The following PLPP1 variants were observed in gnomAD, a reference collection of about 807,000 sequenced individuals.
PLPP1 encodes phospholipid phosphatase 1, also known as lipid phosphate phosphohydrolase 1a.
In PLPP1, 24 loss-of-function variants were observed where a neutral mutation model predicts 31.2. The observed-to-expected ratio is 0.77, with a 90% CI of 0.56 to 1.08. PLPP1 has a LOEUF of 1.08. Ranked by LOEUF, PLPP1 falls within the 50% of genes least tolerant of loss-of-function variation. The pLI, the probability that PLPP1 is intolerant of heterozygous loss-of-function variation, is 0.00. For missense variants in PLPP1, 319 were observed against 342.7 expected (o/e 0.93, Z 0.55); for synonymous variants, 146 against 126.3 (o/e 1.16, Z -1.05).
chr5:55,464,417 G>A (rs1230092379), intron 3 of PLPP1, among the ~76,000 whole-genome samples: 1 of 152,002 alleles, frequency 6.6e-6, no homozygotes, highest in Non-Finnish European at 1.5e-5. Flanking sequence ...GTTATTTTTA[G>A]TAGAGATGGG....
At chr5:55,487,855 G>A (rs1334022365) in intron 1 of PLPP1, among the ~76,000 whole-genome samples, 8 of 152,268 alleles carry the variant, frequency 5.3e-5, no homozygotes, top group African/African-American at 9.6e-5. Context: ...TAGGTCGGGC[G>A]TGGTGGCTCA....
At chr5:55,494,784 T>G (rs1432371696) in intron 1 of PLPP1, among the ~76,000 whole-genome samples, 1 of 151,976 alleles carries the variant, frequency 6.6e-6, no homozygotes, top group African/African-American at 2.4e-5. Context: ...AAAGGCTACC[T>G]TTACCATTTT....
chr5:55,436,683 A>G (rs1157886169), intron 4 of PLPP1, among the ~76,000 whole-genome samples: 2 of 152,230 alleles, frequency 1.3e-5, no homozygotes, highest in East Asian at 3.8e-4. Context: ...AAGACTCTTC[A>G]TTACACAGAG....
chr5:55,497,276 T>C (rs905068881), intron 1 of PLPP1, among the ~76,000 whole-genome samples: 3 of 152,170 alleles, frequency 2.0e-5, no homozygotes, highest in Admixed American at 6.5e-5. Flanking sequence ...GACTGGGTCT[T>C]ACTCTGTCAC....
chr5:55,427,775 T>TGGGGG (rs35821302), intron 4 of PLPP1, among the ~76,000 whole-genome samples: 6 of 99,964 alleles, frequency 6.0e-5, no homozygotes, highest in African/African-American at 2.3e-4. Context: ...AACACTTTTT[T>TGGGGG]GGGGGGGGGG....
intron 4 of PLPP1, among the ~76,000 whole-genome samples, chr5:55,440,120 A>T (rs1283250969): frequency 6.6e-6 from 1 of 152,238 alleles, no homozygotes; most frequent in Non-Finnish European, 1.5e-5. Context: ...TGTAAAATGC[A>T]AATCATCATC....
At chr5:55,455,680 C>T (rs977120587) in intron 3 of PLPP1, among the ~76,000 whole-genome samples, 7 of 152,226 alleles carry the variant, frequency 4.6e-5, no homozygotes, top group East Asian at 1.9e-4. Flanking sequence ...TTCATCCTAA[C>T]GGTAAATATA....
intron 1 of PLPP1, 57 bp downstream of exon 1, chr5:55,534,515 C>T (rs553063305): frequency 6.7e-7 from 1 of 1,494,092 alleles, no homozygotes; most frequent in Non-Finnish European, 8.9e-7. Flanking sequence ...CGGCTCTGCG[C>T]TAAAGCCCTC....
intron 1 of PLPP1, among the ~76,000 whole-genome samples, chr5:55,485,692 A>G (rs186913326): frequency 5.8e-4 from 89 of 152,316 alleles, no homozygotes; most frequent in African/African-American, 2.0e-3. Flanking sequence ...AACAGAAAAT[A>G]TAAGAGACCA....
intron 1 of PLPP1, among the ~76,000 whole-genome samples, chr5:55,524,351 A>G (rs1753736122): frequency 6.6e-6 from 1 of 152,212 alleles, no homozygotes; most frequent in Non-Finnish European, 1.5e-5. Flanking sequence ...CCTGGGTTGC[A>G]TGCAGCCTGT....
At chr5:55,506,091 A>G (rs2111895641) in intron 1 of PLPP1, among the ~76,000 whole-genome samples, 1 of 152,244 alleles carries the variant, frequency 6.6e-6, no homozygotes, top group Admixed American at 6.5e-5. Context: ...CAAAAACCTT[A>G]TTTTTAAAAG....
chr5:55,478,405 C>T (rs1752602747), intron 1 of PLPP1, among the ~76,000 whole-genome samples: 1 of 152,090 alleles, frequency 6.6e-6, no homozygotes, highest in Admixed American at 6.5e-5. Context: ...AGAGAATAAA[C>T]TGAGGTACAA....
At position 55,463,187 on chromosome 5, in the gene PLPP1, G is replaced by A; in HGVS notation, c.491+4682C>T. Among the ~76,000 whole-genome samples the A allele has an allele frequency of 1.3e-5, 2 of 152,016 alleles. 1 individual carries two copies. Among genetic ancestry groups the A allele is most frequent in the South Asian group, 4.2e-4 (2 of 4,796 alleles). On this transcript the variant is annotated intron_variant, in intron 3 of 5. Coordinates refer to ENST00000307259, the MANE Select transcript of PLPP1 (RefSeq NM_003711.4). Reference sequence around the variant, plus strand: ...CATCACACACCGGGGCCTGTCAGGGGGTGTGGGGTAAGGCGTGGGGAGAGC... The same window carrying A: ...CATCACACACCGGGGCCTGTCAGGGAGTGTGGGGTAAGGCGTGGGGAGAGC...
intron 1 of PLPP1, among the ~76,000 whole-genome samples, chr5:55,503,914 G>T (rs1045531446): frequency 1.4e-4 from 2 of 14,218 alleles, no homozygotes; most frequent in East Asian, 1.8e-3. Flanking sequence ...GGGGAGGAAG[G>T]GGGGGGAGGA....
At chr5:55,461,914 A>G (rs766312995) in intron 3 of PLPP1, among the ~76,000 whole-genome samples, 7 of 152,108 alleles carry the variant, frequency 4.6e-5, no homozygotes, top group Non-Finnish European at 8.8e-5. Flanking sequence ...CTACTTCTAC[A>G]CACTCAAAAC....
chr5:55,509,382 A>G (rs1206343777), intron 1 of PLPP1, among the ~76,000 whole-genome samples: 1 of 152,218 alleles, frequency 6.6e-6, no homozygotes, highest in African/African-American at 2.4e-5. Flanking sequence ...TTCAAAGAAC[A>G]GTGCACCCTC....
chr5:55,525,768 G>A (rs1008895971), intron 1 of PLPP1, among the ~76,000 whole-genome samples: 1 of 152,040 alleles, frequency 6.6e-6, no homozygotes, highest in Non-Finnish European at 1.5e-5. Flanking sequence ...AGGAAGGAAT[G>A]ACAATGAAAA....
At chr5:55,471,184 A>G (rs193274379) in intron 2 of PLPP1, among the ~76,000 whole-genome samples, 4 of 151,572 alleles carry the variant, frequency 2.6e-5, no homozygotes, top group Admixed American at 2.6e-4. Flanking sequence ...AAAAGTCAAA[A>G]TTGTTTCATC....
intron 3 of PLPP1, among the ~76,000 whole-genome samples, chr5:55,450,949 T>C (rs1751878292): frequency 6.6e-6 from 1 of 152,204 alleles, no homozygotes; most frequent in Non-Finnish European, 1.5e-5. Context: ...TACGCATTGT[T>C]ATTGTTTTAA....
Sources: gnomAD v4.1 joint callset for allele counts (sites outside exome capture counted in the v4.1 genomes callset) on GRCh38, gnomAD v4.1.1 for gene constraint, MANE v1.5 for transcripts, NCBI Gene and HGNC (gene_info 2026-07-23, HGNC 2026-07-21) for gene names.